The following NGLY1 variants were observed in gnomAD, a reference collection of about 807,000 sequenced individuals.
The protein encoded by NGLY1 is peptide-N(4)-(N-acetyl-beta-glucosaminyl)asparagine amidase.
A neutral mutation model predicts 84.6 loss-of-function variants in NGLY1; 68 were observed. That is an observed-to-expected ratio of 0.80 (90% CI 0.66 to 0.98). The LOEUF (loss-of-function observed/expected upper bound fraction) is 0.98. Among genes scored for constraint, NGLY1 ranks in the 50% least tolerant of loss-of-function variants. The probability of loss-of-function intolerance (pLI) is 0.00; values close to 1 mark genes in which losing one functional copy is unlikely to be tolerated. For synonymous variants in NGLY1, 280 were observed against 275.2 expected, an observed-to-expected ratio of 1.02 and a Z score of -0.17; for missense variants, 779 against 770.2, an observed-to-expected ratio of 1.01 and a Z score of -0.14.
upstream of NGLY1, among the ~76,000 whole-genome samples, chr3:25,784,762 T>C (rs943139397): frequency 6.6e-6 from 1 of 152,230 alleles, no homozygotes; most frequent in South Asian, 2.1e-4. Flanking sequence ...ACGCTTTTAA[T>C]AAATATGTAA....
At position 25,768,916 on chromosome 3, in the gene NGLY1, T is replaced by G. The variant is rs996802037; in HGVS notation, c.247-4605A>C. ...AAGGTATCACATCAAATTAAAAAGCTTATGCACAGCAAAGGAAAGAACAAT... is the reference window on the plus strand; with the variant it reads ...AAGGTATCACATCAAATTAAAAAGCGTATGCACAGCAAAGGAAAGAACAAT... On this transcript the variant is annotated intron_variant, in intron 2 of 11. Transcript: ENST00000280700. Among the ~76,000 whole-genome samples the G allele has an allele frequency of 1.3e-5, 2 of 151,956 alleles. 1 individual carries two copies. Among genetic ancestry groups the G allele is most frequent in the Admixed American group, 1.3e-4 (2 of 15,256 alleles).
At chr3:25,726,775 G>C (rs967874218) in intron 10 of NGLY1, among the ~76,000 whole-genome samples, 6 of 152,212 alleles carry the variant, frequency 3.9e-5, no homozygotes, top group African/African-American at 1.4e-4. Flanking sequence ...AGGACAGAGG[G>C]AGATTAGTTA....
At chr3:25,755,404 GACCCC>G in intron 3 of NGLY1, 5 of 1,423,742 alleles carry the variant, frequency 3.5e-6, no homozygotes, top group African/African-American at 1.4e-5. Flanking sequence ...CTACTATAGT[GACCCC>G]ACAAACAGTG....
At chr3:25,784,828 C>T (rs1708566595), upstream of NGLY1, among the ~76,000 whole-genome samples, 1 of 152,150 alleles carries the variant, frequency 6.6e-6, no homozygotes, top group South Asian at 2.1e-4. Flanking sequence ...TATGTTACTA[C>T]CGTCTGTAAC....
intron 2 of NGLY1, among the ~76,000 whole-genome samples, chr3:25,766,662 A>T (rs1469491262): frequency 6.6e-6 from 1 of 152,202 alleles, no homozygotes; most frequent in Non-Finnish European, 1.5e-5. Context: ...AAGAGAAACC[A>T]GACATCTGGT....
chr3:25,719,879 T>G, intron 11 of NGLY1, 135 bp downstream of exon 11: 1 of 717,256 alleles, frequency 1.4e-6, no homozygotes, highest in Non-Finnish European at 2.0e-6. Flanking sequence ...CAGGGTTTAT[T>G]AAATTTTTTT....
rs1242450779 is a variant in NGLY1 at position 25,739,690 on chromosome 3, C to G, written c.768G>C (p.Gln256His). 1.2e-6 allele frequency: 2 copies of G among 1,614,126 alleles called. No individual in the cohort carries two copies. The highest frequency in any genetic ancestry group is 3.3e-5 in the Admixed American group (2 of 60,018). The change falls in exon 5 of 12, where the codon CAG (glutamine) becomes CAC (histidine). Residue 256 changes from glutamine (Q) to histidine (H), a missense_variant. Transcript: ENST00000280700. ...GTAATGATCTATCTCTAGACCTAGT[C>G]TGTCCACCACATTTGCTGCACAAAA... is the stretch of plus-strand genomic sequence containing the variant. Reference protein sequence around the residue: ...NNVLCSKCGGQTRSRDRSLLP... With the variant: ...NNVLCSKCGGHTRSRDRSLLP...
chr3:25,760,512 G>T (rs1361014772), intron 3 of NGLY1, among the ~76,000 whole-genome samples: 1 of 152,114 alleles, frequency 6.6e-6, no homozygotes. Context: ...GTAGGTTCAT[G>T]AAAAAGAAAG....
intron 10 of NGLY1, among the ~76,000 whole-genome samples, chr3:25,720,796 T>G (rs753421398): frequency 5.9e-5 from 9 of 152,066 alleles, no homozygotes; most frequent in Non-Finnish European, 1.3e-4. Flanking sequence ...GCTCATCCCC[T>G]CTCATACTTT....
intron 10 of NGLY1, among the ~76,000 whole-genome samples, chr3:25,721,732 G>C (rs1270628849): frequency 2.0e-5 from 2 of 101,680 alleles, no homozygotes; most frequent in Non-Finnish European, 3.5e-5. Flanking sequence ...CTGGGCGACA[G>C]AGCAAGACTC....
chr3:25,785,322 AAG>A (rs1306802503), upstream of NGLY1, among the ~76,000 whole-genome samples: 1 of 151,936 alleles, frequency 6.6e-6, no homozygotes, highest in African/African-American at 2.4e-5. Flanking sequence ...AAAAAGATAA[AAG>A]GGGAGAGTCT....
chr3:25,774,519 A>G (rs1429563459), intron 2 of NGLY1, among the ~76,000 whole-genome samples: 4 of 152,004 alleles, frequency 2.6e-5, no homozygotes, highest in Non-Finnish European at 4.4e-5. Context: ...TTATGTTTCC[A>G]GGGGGATTAC....
At chr3:25,750,027 T>A in intron 4 of NGLY1, 1 of 500,160 alleles carries the variant, frequency 2.0e-6, no homozygotes, top group Non-Finnish European at 3.5e-6. Flanking sequence ...TATGATGAAA[T>A]ACCTGCAACT....
intron 10 of NGLY1, among the ~76,000 whole-genome samples, chr3:25,722,533 G>A (rs887884741): frequency 1.3e-5 from 2 of 152,074 alleles, no homozygotes; most frequent in African/African-American, 4.8e-5. Flanking sequence ...AATTTAATCT[G>A]AAAATTTTTA....
chr3:25,751,476 TTG>T (rs1215098921), intron 3 of NGLY1, among the ~76,000 whole-genome samples: 2 of 152,212 alleles, frequency 1.3e-5, no homozygotes, highest in African/African-American at 4.8e-5. Flanking sequence ...TTTTTTCCTT[TTG>T]TATATACTAT....
intron 3 of NGLY1, among the ~76,000 whole-genome samples, chr3:25,751,856 CCTT>C (rs1363901229): frequency 1.3e-5 from 2 of 152,220 alleles, no homozygotes; most frequent in Admixed American, 6.5e-5. Flanking sequence ...GCTTCTCCCT[CCTT>C]GTCACCTCAT....
Position 25,727,964 on chromosome 3 carries a change from G to C in NGLY1, c.1611+1169C>G, listed in dbSNP as rs546250961. 2.6e-4 allele frequency among the ~76,000 whole-genome samples: 39 copies of C among 152,224 alleles called. 1 individual carries two copies. The South Asian group carries it at 4.1e-3, about 16-fold the overall frequency. On this transcript the variant is annotated intron_variant, in intron 10 of 11. Transcript: ENST00000280700. Reference sequence around the variant, plus strand: ...TTCTTAGGCTAAGGATAGTCTTCTAGAAGATGTTCATCCTCTCTCATCAAC... The same window carrying C: ...TTCTTAGGCTAAGGATAGTCTTCTACAAGATGTTCATCCTCTCTCATCAAC...
chr3:25,750,258 T>C (rs993882038), intron 4 of NGLY1, among the ~76,000 whole-genome samples: 2 of 152,120 alleles, frequency 1.3e-5, no homozygotes, highest in African/African-American at 4.8e-5. Context: ...GTGATTCAAT[T>C]ACCTCCAACT....
At chr3:25,786,172 T>A (rs1229272999), upstream of NGLY1, among the ~76,000 whole-genome samples, 1 of 152,094 alleles carries the variant, frequency 6.6e-6, no homozygotes, top group Non-Finnish European at 1.5e-5. Flanking sequence ...AAGAATAGTG[T>A]TAGCCAGGCG....
Sources: gnomAD v4.1 joint callset for allele counts (sites outside exome capture counted in the v4.1 genomes callset) on GRCh38, gnomAD v4.1.1 for gene constraint, MANE v1.5 for transcripts, NCBI Gene and HGNC (gene_info 2026-07-23, HGNC 2026-07-21) for gene names.